SKOR2: variants seen among roughly 807,000 people sequenced by gnomAD.
SKOR2 encodes the protein SKI family transcriptional corepressor 2, also known as LBX1 corepressor 1-like protein.
Under a neutral mutation model 69.1 loss-of-function variants are expected in SKOR2, and 47 were observed. The observed-to-expected ratio is 0.68, with a 90% CI of 0.54 to 0.87. The LOEUF (loss-of-function observed/expected upper bound fraction) is 0.87. SKOR2 is among the 40% of genes least tolerant of loss of function. SKOR2 has a pLI of 0.00. For missense variants in SKOR2, 1,404 were observed against 1,472.2 expected (o/e 0.95, Z 0.76); for synonymous variants, 717 against 672.6 (o/e 1.07, Z -1.02).
chr18:47,206,771 C>A lies in SKOR2; in HGVS notation c.*125G>T, dbSNP rs1438279164. The A allele has an allele frequency of 6.6e-6, 1 of 152,128 alleles. No homozygotes were observed. The highest frequency in any genetic ancestry group is 1.5e-5 in the Non-Finnish European group (1 of 68,078). 9.4% of individuals were successfully genotyped at this position (152,128 alleles called of 1,614,324 possible). On this transcript the variant is annotated 3_prime_UTR_variant, in exon 9 of 9. Coordinates refer to ENST00000425639, the MANE Select transcript of SKOR2 (RefSeq NM_001278063.4). ...TTGAGGTCACTTGTCCTTAGGTTCT[C>A]CTGAACCTGATTTTGTATTTAATTC...
intron 4 of SKOR2, among the ~76,000 whole-genome samples, chr18:47,235,905 T>C (rs2064221265): frequency 6.6e-6 from 1 of 152,042 alleles, no homozygotes; most frequent in African/African-American, 2.4e-5. Flanking sequence ...TGGCTCCCTA[T>C]GGTCTCCATC....
chr18:47,211,757 T>C lies in SKOR2; in HGVS notation c.*3+329A>G, dbSNP rs1048067826. On this transcript the variant is annotated intron_variant, in intron 8 of 8. Coordinates refer to ENST00000425639, the MANE Select transcript of SKOR2 (RefSeq NM_001278063.4). ...AGAGATGAGACACCCTGAGGATGAC[T>C]GCTGACACTTTGGTTTCCTTGGGGC... Among the ~76,000 whole-genome samples the C allele has an allele frequency of 8.5e-5, 13 of 152,362 alleles. No homozygotes were observed. In the Middle Eastern group the frequency reaches 0.014, roughly 159 times the overall value.
chr18:47,238,328 T>C (rs2064234455), intron 4 of SKOR2, among the ~76,000 whole-genome samples: 1 of 146,318 alleles, frequency 6.8e-6, no homozygotes, highest in Non-Finnish European at 1.5e-5. Flanking sequence ...TTCTTTTTTT[T>C]TTTTTTTTTT....
chr18:47,234,270 G>A (rs1356667212), intron 4 of SKOR2, among the ~76,000 whole-genome samples: 1 of 151,844 alleles, frequency 6.6e-6, no homozygotes, highest in East Asian at 1.9e-4. Flanking sequence ...AAAAAAGGCA[G>A]TCTAATACTA....
intron 8 of SKOR2, among the ~76,000 whole-genome samples, chr18:47,208,108 G>A (rs2064118249): frequency 6.6e-6 from 1 of 152,170 alleles, no homozygotes; most frequent in Admixed American, 6.5e-5. Context: ...GAGACTCAAA[G>A]AGATTAAATG....
At chr18:47,229,899 T>G (rs1182847905) in intron 6 of SKOR2, among the ~76,000 whole-genome samples, 1 of 152,134 alleles carries the variant, frequency 6.6e-6, no homozygotes, top group Non-Finnish European at 1.5e-5. Context: ...TGCCTCTAAA[T>G]TCAGAATGGA....
At position 47,212,128 on chromosome 18, in the gene SKOR2, G is replaced by T. The variant is rs962338675; in HGVS notation, c.3009C>A (p.Ile1003=). ...GATGGGCGCCAAGCTTTTCTTTCCT[G>T]ATCAAACTTGCTGCATAGGGGATCT... The part of the protein sequence containing the change: ...LQIIPYAASL[I]RKEKLGAHLS... The change falls in exon 8 of 9, where the codon ATC becomes ATA. Residue 1003 remains isoleucine, a synonymous_variant. Transcript: ENST00000425639. 8 of 1,231,826 alleles carry T rather than the reference G, an allele frequency of 6.5e-6. No homozygotes were observed. The East Asian group carries it at 2.5e-4, about 39-fold the overall frequency. The allele number at this position is 1,231,826 out of a possible 1,614,324, so 76.3% of individuals were successfully genotyped here.
Position 47,248,749 on chromosome 18 carries a change from G to C in SKOR2, c.435C>G (p.Phe145Leu). 1 of 1,551,892 alleles carries C rather than the reference G, an allele frequency of 6.4e-7. No homozygotes were observed. Among genetic ancestry groups the C allele is most frequent in the African/African-American group, 1.4e-5 (1 of 73,630 alleles). Residue 145 changes from phenylalanine to leucine, a missense_variant, in exon 2 of 9, where the codon TTC becomes TTG. Physicochemically the swap from Phe to Leu is conservative, Grantham distance 22. Coordinates refer to ENST00000425639, the MANE Select transcript of SKOR2 (RefSeq NM_001278063.4). The surrounding 1 kb of genome is among the most constrained non-coding windows in gnomAD (Gnocchi z 6.4). Reference protein sequence around the residue: ...RPPKLPDNFAFDVSHECAWGC... With the variant: ...RPPKLPDNFALDVSHECAWGC... ...CCCAGGCGCACTCGTGTGACACGTCGAAGGCGAAATTGTCTGGCAGCTTGG... is the reference window on the plus strand; with the variant it reads ...CCCAGGCGCACTCGTGTGACACGTCCAAGGCGAAATTGTCTGGCAGCTTGG...
At chr18:47,234,080 T>C (rs1315237149) in intron 4 of SKOR2, among the ~76,000 whole-genome samples, 1 of 152,198 alleles carries the variant, frequency 6.6e-6, no homozygotes, top group African/African-American at 2.4e-5. Context: ...AATGGCTAAA[T>C]GTTAGGTAAA....
intron 8 of SKOR2, among the ~76,000 whole-genome samples, chr18:47,207,733 A>G (rs1844993958): frequency 6.6e-6 from 1 of 152,218 alleles, no homozygotes; most frequent in African/African-American, 2.4e-5. Context: ...TTTAAAATCC[A>G]ATATCCTTTT....
At chr18:47,237,898 G>A (rs1375553737) in intron 4 of SKOR2, among the ~76,000 whole-genome samples, 1 of 151,944 alleles carries the variant, frequency 6.6e-6, no homozygotes, top group African/African-American at 2.4e-5. Flanking sequence ...GTCTGGTCTC[G>A]AACTCCTGGG....
rs1007641052 is a variant in SKOR2, at chr18:47,248,377, CGCGGCCGCG to C, written c.798_806del (p.Ala267_Ala269del). ...CCAGCAGACCCCCGCCTCCGGCCAC[CGCGGCCGCG>C]GCGGCCACGGCGGCCGCCTTCACAG... On this transcript the variant is annotated inframe_deletion, in exon 2 of 9. Transcript: ENST00000425639. This position sits in a 1 kb window ranked among gnomAD's most constrained non-coding sequence, Gnocchi z 6.4. 2.9e-4 allele frequency: 379 copies of C among 1,295,514 alleles called. 3 individuals are homozygous for C. Among genetic ancestry groups the C allele is most frequent in the Non-Finnish European group, 3.6e-4 (367 of 1,031,138 alleles). The allele number at this position is 1,295,514 out of a possible 1,614,324, so 80.3% of individuals were successfully genotyped here. A position where few individuals can be genotyped will look rare whatever the true frequency, so the allele number is the denominator to read the frequency against.
At chr18:47,229,956 T>C (rs1011260221) in intron 6 of SKOR2, among the ~76,000 whole-genome samples, 5 of 152,164 alleles carry the variant, frequency 3.3e-5, no homozygotes, top group African/African-American at 9.7e-5. Flanking sequence ...ACTAAAATTA[T>C]AACAATTTCA....
intron 6 of SKOR2, among the ~76,000 whole-genome samples, chr18:47,224,978 A>G (rs1285724834): frequency 6.6e-6 from 1 of 152,114 alleles, no homozygotes; most frequent in African/African-American, 2.4e-5. Context: ...TTTAATCTGT[A>G]CAGTATTTTG....
chr18:47,248,244 C>T lies in SKOR2; in HGVS notation c.940G>A (p.Asp314Asn). The change falls in exon 2 of 9, where the codon GAC (aspartate) becomes AAC (asparagine). Residue 314 changes from aspartate to asparagine, a missense_variant. Coordinates refer to ENST00000425639, the MANE Select transcript of SKOR2 (RefSeq NM_001278063.4). This position sits in a 1 kb window ranked among gnomAD's most constrained non-coding sequence, Gnocchi z 6.4. ...AHHKRPRFDD[D>N]DDSLQEAAVV... ...GCGGCCTCCTGCAAGGAGTCGTCGT[C>T]GTCGTCGAAGCGCGGCCGCTTGTGA... 1.6e-6 allele frequency: 2 copies of T among 1,223,570 alleles called. No individual in the cohort carries two copies. Among genetic ancestry groups the T allele is most frequent in the Non-Finnish European group, 2.0e-6 (2 of 984,150 alleles). 75.8% of individuals were successfully genotyped at this position (1,223,570 alleles called of 1,614,324 possible). A position where few individuals can be genotyped will look rare whatever the true frequency, so the allele number is the denominator to read the frequency against.
chr18:47,222,506 G>A (rs990098156), intron 6 of SKOR2, among the ~76,000 whole-genome samples: 2 of 152,276 alleles, frequency 1.3e-5, no homozygotes, highest in Admixed American at 6.5e-5. Context: ...CTAGAGGTGG[G>A]TCTAAGGGTA....
intron 4 of SKOR2, among the ~76,000 whole-genome samples, chr18:47,238,444 T>C (rs1045535811): frequency 2.0e-5 from 3 of 149,652 alleles, no homozygotes; most frequent in Non-Finnish European, 4.4e-5. Flanking sequence ...TGCCTCAGCC[T>C]CCCGAGTAGC....
intron 8 of SKOR2, among the ~76,000 whole-genome samples, chr18:47,207,581 T>G (rs1217487958): frequency 6.6e-6 from 1 of 152,148 alleles, no homozygotes; most frequent in Non-Finnish European, 1.5e-5. Context: ...CATAAAGTCC[T>G]TAGAACAGTG....
intron 4 of SKOR2, among the ~76,000 whole-genome samples, chr18:47,231,948 C>T (rs535074841): frequency 5.9e-5 from 9 of 151,858 alleles, no homozygotes; most frequent in African/African-American, 2.2e-4. Context: ...CGAGACCAAC[C>T]TGGGTAACAT....
Sources: allele counts gnomAD v4.1 joint callset (sites outside exome capture counted in the v4.1 genomes callset), GRCh38; gene constraint gnomAD v4.1.1; non-coding constraint Gnocchi (gnomAD v3.1); transcripts MANE v1.5; gene names NCBI Gene and HGNC (gene_info 2026-07-23, HGNC 2026-07-21).